ADGRD1: variants seen among roughly 807,000 people sequenced by gnomAD.
ADGRD1 encodes G-protein coupled receptor 133.
Under a neutral mutation model 113.4 loss-of-function variants are expected in ADGRD1, and 77 were observed. That is an observed-to-expected ratio of 0.68 (90% CI 0.57 to 0.82). The LOEUF is 0.82. Among genes scored for constraint, ADGRD1 ranks in the 40% least tolerant of loss-of-function variants. ADGRD1 has a pLI of 0.00. For synonymous variants in ADGRD1, 474 were observed against 475.0 expected, an observed-to-expected ratio of 1.00 and a Z score of 0.03; for missense variants, 1,036 against 1,139.1, an observed-to-expected ratio of 0.91 and a Z score of 1.30.
intron 9 of ADGRD1, 26 bp downstream of exon 9, chr12:131,000,468 A>G: frequency 6.3e-7 from 1 of 1,584,316 alleles, no homozygotes; most frequent in East Asian, 2.2e-5. Flanking sequence ...ATGGTCGGTC[A>G]TGGTGGCTCA....
intron 6 of ADGRD1, chr12:130,988,436 G>T (rs775984839): frequency 6.6e-6 from 1 of 152,230 alleles, no homozygotes; most frequent in South Asian, 2.1e-4. Context: ...TCAGGACCAG[G>T]AGAGAAAGGC....
chr12:131,138,824 G>A (rs748109857), intron 24 of ADGRD1, among the ~76,000 whole-genome samples: 8 of 152,230 alleles, frequency 5.3e-5, no homozygotes, highest in East Asian at 3.9e-4. Flanking sequence ...TGTGTGGCAC[G>A]CTCCATGAGT....
At chr12:131,083,610 G>T (rs1452360000) in intron 14 of ADGRD1, among the ~76,000 whole-genome samples, 1 of 152,040 alleles carries the variant, frequency 6.6e-6, no homozygotes, top group Non-Finnish European at 1.5e-5. Context: ...CTGTCTCAAA[G>T]CAAACAAACA....
intron 14 of ADGRD1, among the ~76,000 whole-genome samples, chr12:131,078,805 T>C (rs1885845488): frequency 6.6e-6 from 1 of 152,202 alleles, no homozygotes; most frequent in Admixed American, 6.5e-5. Flanking sequence ...GCCACCATCA[T>C]GAATATAGTA....
intron 3 of ADGRD1, chr12:130,968,259 G>A (rs1871240367): frequency 6.6e-6 from 1 of 152,314 alleles, no homozygotes; most frequent in Admixed American, 6.5e-5. Context: ...CACTGTGGCT[G>A]AATTTTGCTC....
intron 15 of ADGRD1, among the ~76,000 whole-genome samples, chr12:131,085,386 A>G (rs910556716): frequency 6.6e-6 from 1 of 151,910 alleles, no homozygotes; most frequent in African/African-American, 2.4e-5. Flanking sequence ...ATGGCCGTGG[A>G]TGGAGCACCC....
rs761390539 is a variant in ADGRD1, at chr12:130,954,682, T to C, written c.103+22T>C. ...CCAGGTAAGAGTGTTTCCTTCTCAC[T>C]CTGAGCACCGCTCTCCCCCTGCCTA... On this transcript the variant is annotated intron_variant, in intron 2 of 24. Transcript: ENST00000261654. This position sits in a 1 kb window ranked among gnomAD's most constrained non-coding sequence, Gnocchi z 4.7. The C allele has an allele frequency of 1.2e-6, 2 of 1,609,078 alleles. No individual in the cohort carries two copies. The highest frequency in any genetic ancestry group is 1.7e-6 in the Non-Finnish European group (2 of 1,176,980).
intron 2 of ADGRD1, among the ~76,000 whole-genome samples, chr12:130,960,874 G>A (rs1437332099): frequency 2.6e-5 from 4 of 152,194 alleles, no homozygotes; most frequent in African/African-American, 7.2e-5. Context: ...CGAAGGGGTG[G>A]CATGAGGGGA....
chr12:131,051,505 C>A (rs1883390375), intron 13 of ADGRD1, among the ~76,000 whole-genome samples: 1 of 115,268 alleles, frequency 8.7e-6, no homozygotes, highest in Non-Finnish European at 1.8e-5. Flanking sequence ...TTTTTTGGAG[C>A]CAAAGTCTCA....
intron 12 of ADGRD1, among the ~76,000 whole-genome samples, chr12:131,011,103 G>T (rs1468756463): frequency 1.1e-4 from 5 of 47,088 alleles, no homozygotes; most frequent in South Asian, 6.4e-4. Flanking sequence ...CCTCACCCCT[G>T]CCCCACCCTG....
intron 23 of ADGRD1, chr12:131,137,230 C>T (rs1250913644): frequency 5.0e-6 from 3 of 604,450 alleles, no homozygotes; most frequent in Non-Finnish European, 8.8e-6. Flanking sequence ...CAAGCATCCT[C>T]TCTCCCTGGA....
chr12:131,001,397 GATT>G (rs765349713), intron 9 of ADGRD1, among the ~76,000 whole-genome samples: 1 of 152,168 alleles, frequency 6.6e-6, no homozygotes, highest in Non-Finnish European at 1.5e-5. Context: ...CTAAAACTGA[GATT>G]ATTAACATTC....
chr12:130,990,860 C>T, intron 6 of ADGRD1, 154 bp from the exon 7 acceptor site: 1 of 581,174 alleles, frequency 1.7e-6, no homozygotes, highest in Non-Finnish European at 3.1e-6. Context: ...GATTTCTTAG[C>T]CCATAATTTA....
chr12:130,968,816 T>G, intron 3 of ADGRD1: 2 of 598,160 alleles, frequency 3.3e-6, no homozygotes, highest in Non-Finnish European at 5.9e-6. Flanking sequence ...TAAACAAGGG[T>G]GGTGGAGGCT....
At position 130,984,894 on chromosome 12, in the gene ADGRD1, CTT is replaced by C. The variant is rs1491133025; in HGVS notation, c.491-2200_491-2199del. On this transcript the variant is annotated intron_variant, in intron 5 of 24. Coordinates refer to ENST00000261654, the MANE Select transcript of ADGRD1 (RefSeq NM_198827.5). This position sits in a 1 kb window ranked among gnomAD's most constrained non-coding sequence, Gnocchi z 4.1. ...CCTTCTTTCCTTCCTTCTTTCTTCTCTTCTCTCTCTCTCTCACTCTCTCTCTC... is the reference window on the plus strand; with the variant it reads ...CCTTCTTTCCTTCCTTCTTTCTTCTCCTCTCTCTCTCTCACTCTCTCTCTC... 2.7e-5 allele frequency among the ~76,000 whole-genome samples: 4 copies of C among 146,432 alleles called. 1 individual carries two copies. The highest frequency in any genetic ancestry group is 2.5e-5 in the African/African-American group (1 of 39,812).
chr12:131,059,753 A>G (rs35307188), intron 13 of ADGRD1, among the ~76,000 whole-genome samples: 14,048 of 152,308 alleles, frequency 0.092, 879 homozygotes, highest in Non-Finnish European at 0.14. Context: ...AAGCACTTCT[A>G]ATTCTTTGCT....
intron 12 of ADGRD1, among the ~76,000 whole-genome samples, chr12:131,012,291 T>TC (rs899574992): frequency 6.6e-6 from 1 of 151,550 alleles, no homozygotes. Flanking sequence ...TTTTTTTTTT[T>TC]TAAGTTTGTG....
In ADGRD1 at chr12:130,992,544, G is replaced by A. The variant is rs77677753; in HGVS notation, c.966+152G>A. The stretch of plus-strand genomic sequence containing the variant: ...CAGGCTTCTCATGAACAACCAGCTG[G>A]TGTGGCCCTCCTGGCCAGCTCTGTA... On this transcript the variant is annotated intron_variant, in intron 8 of 24. Transcript: ENST00000261654. The A allele has an allele frequency of 3.4e-3, 2,245 of 655,778 alleles. 51 individuals are homozygous for A. The African/African-American group carries it at 0.035, about 10-fold the overall frequency. 40.6% of individuals were successfully genotyped at this position (655,778 alleles called of 1,614,324 possible). A position where few individuals can be genotyped will look rare whatever the true frequency, so the allele number is the denominator to read the frequency against.
chr12:130,971,293 A>T lies in ADGRD1; in HGVS notation c.188-165A>T, dbSNP rs1255180505. On this transcript the variant is annotated intron_variant, in intron 3 of 24. Transcript: ENST00000261654. This position sits in a 1 kb window ranked among gnomAD's most constrained non-coding sequence, Gnocchi z 4.2. ...AATTTAATTACTAATAATATTACTG[A>T]TGCTATGAATATTATCATAGAATAA... is the stretch of plus-strand genomic sequence containing the variant. 19 of 327,500 alleles carry T rather than the reference A, an allele frequency of 5.8e-5. No individual in the cohort carries two copies. The highest frequency in any genetic ancestry group is 1.9e-4 in the Admixed American group (4 of 21,082). 20.3% of individuals were successfully genotyped at this position (327,500 alleles called of 1,614,324 possible). A position where few individuals can be genotyped will look rare whatever the true frequency, so the allele number is the denominator to read the frequency against.
Sources: gnomAD v4.1 joint callset for allele counts (sites outside exome capture counted in the v4.1 genomes callset) on GRCh38, gnomAD v4.1.1 for gene constraint, Gnocchi (gnomAD v3.1) non-coding constraint, MANE v1.5 for transcripts, NCBI Gene and HGNC (gene_info 2026-07-23, HGNC 2026-07-21) for gene names.